The following DNAJB6 variants were observed in gnomAD, a reference collection of about 807,000 sequenced individuals.
The protein encoded by DNAJB6 is dnaJ homolog subfamily B member 6.
DNAJB6 carries 16 observed loss-of-function variants against 42.7 expected under a neutral mutation model. The observed-to-expected ratio is 0.37, with a 90% CI of 0.25 to 0.57. The LOEUF is 0.57. Ranked by LOEUF, DNAJB6 falls within the 20% of genes least tolerant of loss-of-function variation. The pLI is 0.74. For missense variants in DNAJB6, 347 were observed against 416.8 expected (o/e 0.83, Z 1.46); for synonymous variants, 170 against 163.5 (o/e 1.04, Z -0.30).
intron 8 of DNAJB6, among the ~76,000 whole-genome samples, chr7:157,405,491 A>G (rs1267880723): frequency 1.3e-5 from 2 of 152,268 alleles, no homozygotes; most frequent in East Asian, 3.9e-4. Flanking sequence ...CGAATGGGCC[A>G]GGGTGCTGGG....
chr7:157,393,960 C>T (rs1801469260), intron 8 of DNAJB6, among the ~76,000 whole-genome samples: 1 of 152,238 alleles, frequency 6.6e-6, no homozygotes, highest in Non-Finnish European at 1.5e-5. Flanking sequence ...GGCCTGTGAT[C>T]ATGCGCCTTT....
At chr7:157,352,248 G>A (rs986374839) in intron 1 of DNAJB6, among the ~76,000 whole-genome samples, 1 of 151,994 alleles carries the variant, frequency 6.6e-6, no homozygotes, top group African/African-American at 2.4e-5. Flanking sequence ...AAAGTCGCTT[G>A]AACCAGGGAG....
rs759192072 is a variant in DNAJB6, at chr7:157,417,434, A to G, written c.*1336A>G. 1 of 152,240 alleles carries G rather than the reference A, an allele frequency of 6.6e-6. No individual in the cohort carries two copies. Among genetic ancestry groups the G allele is most frequent in the Non-Finnish European group, 1.5e-5 (1 of 68,044 alleles). The allele number at this position is 152,240 out of a possible 1,614,324, so 9.4% of individuals were successfully genotyped here. Reference sequence around the variant, plus strand: ...ACATAAATAAAACATAAGCATATTGAATACAGCTCGCCTGCTGTCCTTTGT... The same window carrying G: ...ACATAAATAAAACATAAGCATATTGGATACAGCTCGCCTGCTGTCCTTTGT... On this transcript the variant is annotated 3_prime_UTR_variant, in exon 10 of 10. Transcript: ENST00000262177.
chr7:157,360,839 G>C (rs1030084106), intron 2 of DNAJB6, among the ~76,000 whole-genome samples: 1 of 152,150 alleles, frequency 6.6e-6, no homozygotes. Flanking sequence ...CACACCATGG[G>C]CCTTCCTTCC....
intron 8 of DNAJB6, among the ~76,000 whole-genome samples, chr7:157,404,722 T>C (rs1795694924): frequency 6.6e-6 from 1 of 152,004 alleles, no homozygotes; most frequent in South Asian, 2.1e-4. Context: ...CCCAGGCTGG[T>C]CTCAAACTCC....
intron 3 of DNAJB6, among the ~76,000 whole-genome samples, chr7:157,364,954 C>A (rs1455191725): frequency 6.6e-6 from 1 of 152,190 alleles, no homozygotes; most frequent in East Asian, 1.9e-4. Context: ...AGATTTTCTT[C>A]TACTTTTTAA....
chr7:157,366,509 A>G lies in DNAJB6; in HGVS notation c.183A>G (p.Lys61=). ...EAYEVLSDAK[K]RDIYDKYGKE... The stretch of plus-strand genomic sequence containing the variant: ...TTTTCTTTCAATTTTTAGCTAAGAA[A>G]CGGGACATCTATGACAAATATGGCA... The change falls in exon 4 of 10, where the codon AAA becomes AAG. Residue 61 remains lysine, a synonymous_variant. Coordinates refer to ENST00000262177, the MANE Select transcript of DNAJB6 (RefSeq NM_058246.4). 3 of 1,614,066 alleles carry G rather than the reference A, an allele frequency of 1.9e-6. No homozygotes were observed. The highest frequency in any genetic ancestry group is 1.3e-5 in the African/African-American group (1 of 75,052).
intron 1 of DNAJB6, among the ~76,000 whole-genome samples, chr7:157,346,413 T>C (rs1477501968): frequency 6.6e-6 from 1 of 151,770 alleles, no homozygotes; most frequent in East Asian, 1.9e-4. Flanking sequence ...AATTGGTACC[T>C]AGTTTTATAT....
At chr7:157,384,650 C>T (rs944017294) in intron 6 of DNAJB6, among the ~76,000 whole-genome samples, 11 of 152,212 alleles carry the variant, frequency 7.2e-5, no homozygotes, top group African/African-American at 2.4e-4. Context: ...GCTGCACTCT[C>T]GCGTTGCCCT....
chr7:157,356,643 A>T (rs536485832), intron 1 of DNAJB6, among the ~76,000 whole-genome samples: 2 of 152,374 alleles, frequency 1.3e-5, no homozygotes, highest in East Asian at 1.9e-4. Context: ...CCTTAGGCAC[A>T]TTCTCCAATT....
intron 2 of DNAJB6, among the ~76,000 whole-genome samples, chr7:157,359,758 G>C (rs1218461547): frequency 6.6e-6 from 1 of 152,242 alleles, no homozygotes; most frequent in Non-Finnish European, 1.5e-5. Context: ...GGTTGAGGCT[G>C]CAGTGAGCTA....
intron 8 of DNAJB6, among the ~76,000 whole-genome samples, chr7:157,390,271 C>T (rs927062255): frequency 1.3e-5 from 2 of 152,216 alleles, no homozygotes; most frequent in African/African-American, 4.8e-5. Context: ...CATGTGGATC[C>T]GAAGGACCTG....
intron 8 of DNAJB6, among the ~76,000 whole-genome samples, chr7:157,408,829 G>A (rs943571406): frequency 2.0e-5 from 3 of 152,256 alleles, no homozygotes; most frequent in Non-Finnish European, 4.4e-5. Flanking sequence ...AGGAGGATGG[G>A]GCCGCCCCTG....
At chr7:157,399,828 C>T (rs1349365959) in intron 8 of DNAJB6, among the ~76,000 whole-genome samples, 1 of 152,134 alleles carries the variant, frequency 6.6e-6, no homozygotes, top group African/African-American at 2.4e-5. Flanking sequence ...GCCACCACCC[C>T]TGGCTAACTT....
At chr7:157,378,126 G>A (rs1393530640) in intron 5 of DNAJB6, 4 of 152,178 alleles carry the variant, frequency 2.6e-5, no homozygotes, top group African/African-American at 9.7e-5. Flanking sequence ...AATACTCCAG[G>A]CATTGATGGT....
At chr7:157,373,774 AGTTT>A (rs1341543270) in intron 5 of DNAJB6, among the ~76,000 whole-genome samples, 2 of 151,050 alleles carry the variant, frequency 1.3e-5, no homozygotes, top group Non-Finnish European at 3.0e-5. Context: ...GCGCTACAGC[AGTTT>A]GTTTGTAATG....
intron 5 of DNAJB6, among the ~76,000 whole-genome samples, chr7:157,368,012 C>T (rs1799927340): frequency 6.6e-6 from 1 of 151,914 alleles, no homozygotes; most frequent in African/African-American, 2.4e-5. Flanking sequence ...GCCTGTGGTC[C>T]CAGCTACTTG....
chr7:157,375,867 C>T (rs1350608698), intron 5 of DNAJB6, among the ~76,000 whole-genome samples: 1 of 152,182 alleles, frequency 6.6e-6, no homozygotes, highest in Admixed American at 6.6e-5. Context: ...AGCTTTGGAA[C>T]TTGAGGAGAG....
intron 5 of DNAJB6, chr7:157,380,136 C>T (rs1446194311): frequency 1.3e-5 from 2 of 152,116 alleles, no homozygotes; most frequent in Non-Finnish European, 2.9e-5. Context: ...TAACGGTCAC[C>T]TCCTAGGGGA....
Sources: allele counts gnomAD v4.1 joint callset (sites outside exome capture counted in the v4.1 genomes callset), GRCh38; gene constraint gnomAD v4.1.1; transcripts MANE v1.5; gene names NCBI Gene and HGNC (gene_info 2026-07-23, HGNC 2026-07-21).